PRH1: variants seen among roughly 807,000 people sequenced by gnomAD.
PRH1 encodes the protein proline rich protein HaeIII subfamily 1.
PRH1 carries 7 observed loss-of-function variants against 7.9 expected under a neutral mutation model. The ratio of observed to expected loss-of-function variants is 0.89; its 90% CI spans 0.50 to 1.67. The LOEUF (loss-of-function observed/expected upper bound fraction) is 1.67, where lower values mean the gene tolerates loss of function less well. Ranked by LOEUF, PRH1 falls within the 40% of genes most tolerant of loss-of-function variation. The pLI is 0.00. For synonymous variants in PRH1, 45 were observed against 80.8 expected (o/e 0.56, Z 2.38); for missense variants, 109 against 223.6 (o/e 0.49, Z 3.27).
chr12:11,005,804 T>C (rs1940801196), intron 1 of PRH1: 1 of 152,146 alleles, frequency 6.6e-6, no homozygotes, highest in Admixed American at 6.6e-5. Context: ...CTTAAGCTTT[T>C]GAATAAGTTA....
chr12:11,096,890 G>T (rs34524971), intron 1 of PRH1, among the ~76,000 whole-genome samples: 1,868 of 112,176 alleles, frequency 0.017, 574 homozygotes, highest in Middle Eastern at 0.031. Flanking sequence ...CTCTGTCCCC[G>T]GGGTTCACGC....
At chr12:11,092,700 T>C in intron 1 of PRH1, among the ~76,000 whole-genome samples, 1 of 115,626 alleles carries the variant, frequency 8.6e-6, no homozygotes, top group East Asian at 2.1e-4. Flanking sequence ...CCTTGCTAGC[T>C]TCAGAAACGT....
rs376643789 is a variant in PRH1, at chr12:11,097,216, G to C, written n.124-50028C>G. ...AAATGAAGGACATCTGATATAAGTA[G>C]ACTTTAAGTCCCATGGAAACAAAAC... On this transcript the variant is annotated intron_variant and non_coding_transcript_variant, in intron 1 of 4. Coordinates refer to the PRH1 transcript ENST00000541977. 1.8e-4 allele frequency: 47 copies of C among 256,698 alleles called. 5 individuals are homozygous for C. Among genetic ancestry groups the C allele is most frequent in the South Asian group, 1.1e-3 (42 of 39,392 alleles). The allele number at this position is 256,698 out of a possible 1,614,324, so 15.9% of individuals were successfully genotyped here.
chr12:11,168,368 AAAAGAAAGAAAGAAAGAAAGAAAG>A (rs199864169), intron 1 of PRH1, among the ~76,000 whole-genome samples: 3,209 of 36,068 alleles, frequency 0.089, 799 homozygotes, highest in East Asian at 0.21. Flanking sequence ...GAAAAGAAAG[AAAAGAAAGAAAGAAAGAAAGAAAG>A]AAAGAAAGAA....
intron 2 of PRH1, among the ~76,000 whole-genome samples, chr12:10,901,376 G>A (rs1243109495): frequency 1.3e-5 from 2 of 152,120 alleles, no homozygotes; most frequent in Admixed American, 6.6e-5. Context: ...ACTTGGAGCC[G>A]AGGGGGTTAC....
At chr12:10,982,829 C>G (rs1355922201) in intron 1 of PRH1, among the ~76,000 whole-genome samples, 1 of 151,352 alleles carries the variant, frequency 6.6e-6, no homozygotes, top group Non-Finnish European at 1.5e-5. Flanking sequence ...GTCCTTTTGT[C>G]AAAACATCCT....
chr12:10,903,202 C>CA lies in PRH1; in HGVS notation c.-58-18928dup, dbSNP rs202198493. Among the ~76,000 whole-genome samples the CA allele has an allele frequency of 4.7e-3, 713 of 152,112 alleles. 9 individuals carry two copies. Among genetic ancestry groups the CA allele is most frequent in the African/African-American group, 0.016 (648 of 41,522 alleles). ...AATAGAAAAGAAAAAAAGAAAGAAT[C>CA]ACTATTCCTATATAAGATAAAACAG... is the stretch of plus-strand genomic sequence containing the variant. On this transcript the variant is annotated intron_variant, in intron 2 of 3. Transcript: ENST00000539853.
At chr12:11,087,309 A>G (rs80342297) in intron 1 of PRH1, among the ~76,000 whole-genome samples, 1,876 of 79,516 alleles carry the variant, frequency 0.024, 3 homozygotes, top group Non-Finnish European at 0.033. Flanking sequence ...CATATGTTGC[A>G]AAGGGAACTC....
downstream of PRH1, among the ~76,000 whole-genome samples, chr12:11,116,919 T>C (rs886825472): frequency 4.6e-5 from 7 of 151,822 alleles, no homozygotes; most frequent in African/African-American, 1.7e-4. Context: ...AGAAGGAAAA[T>C]CTCAACATAA....
intron 1 of PRH1, among the ~76,000 whole-genome samples, chr12:11,015,909 C>T (rs914573677): frequency 6.6e-6 from 1 of 152,246 alleles, no homozygotes; most frequent in South Asian, 2.1e-4. Flanking sequence ...CTTTCACCCC[C>T]ACTCACTAGA....
chr12:10,916,324 G>T (rs1393156089), intron 2 of PRH1, among the ~76,000 whole-genome samples: 1 of 152,138 alleles, frequency 6.6e-6, no homozygotes, highest in East Asian at 1.9e-4. Context: ...TGGGGACACA[G>T]AAAAACCATA....
chr12:10,938,927 T>C, intron 2 of PRH1: 2 of 1,613,938 alleles, frequency 1.2e-6, no homozygotes, highest in Non-Finnish European at 1.7e-6. Flanking sequence ...GACACTAAAA[T>C]GATTGATCAC....
At chr12:11,083,928 G>T (rs1944585889) in intron 1 of PRH1, among the ~76,000 whole-genome samples, 1 of 119,484 alleles carries the variant, frequency 8.4e-6, no homozygotes, top group Non-Finnish European at 2.0e-5. Flanking sequence ...TGCTCTAGTT[G>T]GTTCTGCTGG....
intron 1 of PRH1, chr12:11,134,100 T>A: frequency 6.2e-7 from 1 of 1,614,134 alleles, no homozygotes; most frequent in East Asian, 2.2e-5. Context: ...GCCAGAGCAG[T>A]GAGAATTTGG....
rs151179461 is a variant in PRH1, at chr12:10,965,130, A to C, written c.-59+8525T>G. The C allele has an allele frequency of 2.6e-4, 364 of 1,408,438 alleles. 2 individuals are homozygous for C. In the African/African-American group the frequency reaches 4.5e-3, roughly 17 times the overall value. The allele number at this position is 1,408,438 out of a possible 1,614,324, so 87.2% of individuals were successfully genotyped here. On this transcript the variant is annotated intron_variant, in intron 2 of 3. Coordinates refer to the PRH1 transcript ENST00000539853. ...GTAATTCTTACTCCTAAACTATATGAACCTGGATTCAAAACAGTTGCATAC... is the reference window on the plus strand; with the variant it reads ...GTAATTCTTACTCCTAAACTATATGCACCTGGATTCAAAACAGTTGCATAC...
At chr12:10,916,607 C>G (rs1695017682) in intron 2 of PRH1, among the ~76,000 whole-genome samples, 3 of 151,678 alleles carry the variant, frequency 2.0e-5, no homozygotes, top group Non-Finnish European at 4.4e-5. Context: ...GGGCTCTCAC[C>G]AAGACAGTGA....
chr12:11,115,281 G>A (rs2600347), intron 1 of PRH1, among the ~76,000 whole-genome samples: 113,341 of 152,030 alleles, frequency 0.75, 44,737 homozygotes, highest in East Asian at 0.96. Flanking sequence ...ATAGAGTTCA[G>A]GACAAAAACT....
chr12:10,967,996 G>A (rs968455145), intron 2 of PRH1, among the ~76,000 whole-genome samples: 1 of 152,166 alleles, frequency 6.6e-6, no homozygotes, highest in Non-Finnish European at 1.5e-5. Flanking sequence ...CAGGAGAATC[G>A]TTTGAACCCA....
At chr12:11,026,867 T>G (rs529313511) in intron 1 of PRH1, among the ~76,000 whole-genome samples, 22 of 152,266 alleles carry the variant, frequency 1.4e-4, no homozygotes, top group Admixed American at 1.4e-3. Flanking sequence ...CAAAACAATT[T>G]GCCTTGTATC....
Sources: allele counts gnomAD v4.1 joint callset (sites outside exome capture counted in the v4.1 genomes callset), GRCh38; gene constraint gnomAD v4.1.1; transcripts MANE v1.5; gene names NCBI Gene and HGNC (gene_info 2026-07-23, HGNC 2026-07-21).